The following DPYSL5 variants were observed in gnomAD, a reference collection of about 807,000 sequenced individuals.
DPYSL5 encodes the protein dihydropyrimidinase-related protein 5.
DPYSL5 carries 9 observed loss-of-function variants against 58.4 expected under a neutral mutation model. The ratio of observed to expected loss-of-function variants is 0.15; its 90% CI spans 0.09 to 0.27. The LOEUF (loss-of-function observed/expected upper bound fraction) is 0.27, where lower values mean the gene tolerates loss of function less well. DPYSL5 is among the 10% of genes least tolerant of loss of function. The pLI is 1.00. For synonymous variants in DPYSL5, 293 were observed against 301.9 expected (o/e 0.97, Z 0.31); for missense variants, 499 against 770.6 (o/e 0.65, Z 4.17).
chr2:26,873,525 G>A (rs1170352831), intron 1 of DPYSL5, among the ~76,000 whole-genome samples: 1 of 152,166 alleles, frequency 6.6e-6, no homozygotes, highest in African/African-American at 2.4e-5. Flanking sequence ...CATCTACAGT[G>A]CACTGGATAG....
chr2:26,850,353 A>G (rs1665720043), intron 1 of DPYSL5, among the ~76,000 whole-genome samples: 1 of 152,152 alleles, frequency 6.6e-6, no homozygotes, highest in Admixed American at 6.5e-5. Context: ...GGCTTTCAGC[A>G]GGGCTTTCCA....
At chr2:26,932,163 GAA>G (rs869043839) in intron 6 of DPYSL5, among the ~76,000 whole-genome samples, 1 of 60,874 alleles carries the variant, frequency 1.6e-5, no homozygotes, top group African/African-American at 6.0e-5. Context: ...AAGAAAGAAA[GAA>G]AGAAAGAAAG....
Position 26,933,167 on chromosome 2 carries a change from T to G in DPYSL5, c.715-91T>G. ...GGTTGAGTGACGCAGGGGGAGGCGCTGGTGCCAGGGCTGACTTTGCCAGGG... is the reference window on the plus strand; with the variant it reads ...GGTTGAGTGACGCAGGGGGAGGCGCGGGTGCCAGGGCTGACTTTGCCAGGG... On this transcript the variant is annotated intron_variant, in intron 6 of 12. Coordinates refer to ENST00000288699, the MANE Select transcript of DPYSL5 (RefSeq NM_020134.4). This position sits in a 1 kb window ranked among gnomAD's most constrained non-coding sequence, Gnocchi z 4.2. The G allele has an allele frequency of 8.5e-7, 1 of 1,174,328 alleles. No homozygotes were observed. The highest frequency in any genetic ancestry group is 1.3e-6 in the Non-Finnish European group (1 of 780,720). The allele number at this position is 1,174,328 out of a possible 1,614,324, so 72.7% of individuals were successfully genotyped here. A position where few individuals can be genotyped will look rare whatever the true frequency, so the allele number is the denominator to read the frequency against.
At chr2:26,876,283 T>C (rs1663406544) in intron 1 of DPYSL5, among the ~76,000 whole-genome samples, 1 of 152,020 alleles carries the variant, frequency 6.6e-6, no homozygotes, top group African/African-American at 2.4e-5. Flanking sequence ...CTCCTGGAGG[T>C]AGCCCCATCA....
rs1407728962 is a variant in DPYSL5, at chr2:26,848,893, G to A, written c.-5+639G>A. Reference sequence around the variant, plus strand: ...GGCTGCCCAGCCCGGAGCGGGCGCCGAGCCGGGTCCCTCGGCTGGAGCCCA... The same window carrying A: ...GGCTGCCCAGCCCGGAGCGGGCGCCAAGCCGGGTCCCTCGGCTGGAGCCCA... On this transcript the variant is annotated intron_variant, in intron 1 of 12. Coordinates refer to ENST00000288699, the MANE Select transcript of DPYSL5 (RefSeq NM_020134.4). 4.6e-5 allele frequency among the ~76,000 whole-genome samples: 7 copies of A among 152,210 alleles called. No homozygotes were observed. In the South Asian group the frequency reaches 8.3e-4, roughly 18 times the overall value.
chr2:26,895,949 CT>C (rs1388602733), intron 1 of DPYSL5, among the ~76,000 whole-genome samples: 1 of 151,214 alleles, frequency 6.6e-6, no homozygotes, highest in Admixed American at 6.6e-5. Flanking sequence ...CCGGCTAGTT[CT>C]TGTATTTTTA....
chr2:26,906,434 G>A (rs1404681259), intron 2 of DPYSL5, among the ~76,000 whole-genome samples: 8 of 151,908 alleles, frequency 5.3e-5, no homozygotes, highest in African/African-American at 9.7e-5. Context: ...TGCCTGCCTC[G>A]GCCTCCAAAA....
At chr2:26,912,587 G>A (rs1252501232) in intron 2 of DPYSL5, among the ~76,000 whole-genome samples, 1 of 152,192 alleles carries the variant, frequency 6.6e-6, no homozygotes, top group Non-Finnish European at 1.5e-5. Flanking sequence ...GCGGCTCTCC[G>A]GAAGCTGGCA....
At chr2:26,910,145 T>C (rs142616041) in intron 2 of DPYSL5, among the ~76,000 whole-genome samples, 1 of 152,242 alleles carries the variant, frequency 6.6e-6, no homozygotes, top group African/African-American at 2.4e-5. Context: ...TTTCTTTCGC[T>C]CAGTAGTATT....
chr2:26,945,383 G>A (rs1292705132), intron 12 of DPYSL5, among the ~76,000 whole-genome samples: 3 of 149,564 alleles, frequency 2.0e-5, no homozygotes, highest in Non-Finnish European at 4.4e-5. Flanking sequence ...GACTTCTGAT[G>A]CCCAGTTTTT....
Position 26,905,718 on chromosome 2 carries a change from C to T in DPYSL5, c.261+6958C>T, listed in dbSNP as rs1056152384. Among the ~76,000 whole-genome samples, 1 of 152,218 alleles carries T rather than the reference C, an allele frequency of 6.6e-6. No homozygotes were observed. The highest frequency in any genetic ancestry group is 1.5e-5 in the Non-Finnish European group (1 of 68,042). The stretch of plus-strand genomic sequence containing the variant: ...TGAAGTGACTTCCCCTCCCCTGCCA[C>T]CTGGAGGACATCCCTCTACCCCCTC... On this transcript the variant is annotated intron_variant, in intron 2 of 12. Coordinates refer to ENST00000288699, the MANE Select transcript of DPYSL5 (RefSeq NM_020134.4). This position sits in a 1 kb window ranked among gnomAD's most constrained non-coding sequence, Gnocchi z 4.0.
At chr2:26,872,989 T>G (rs891476713) in intron 1 of DPYSL5, among the ~76,000 whole-genome samples, 4 of 152,256 alleles carry the variant, frequency 2.6e-5, no homozygotes, top group Admixed American at 6.5e-5. Context: ...CTCTTTTTAA[T>G]GTTTCCTGGT....
intron 2 of DPYSL5, among the ~76,000 whole-genome samples, chr2:26,914,399 C>T (rs1664513121): frequency 6.6e-6 from 1 of 152,218 alleles, no homozygotes; most frequent in African/African-American, 2.4e-5. Flanking sequence ...GAATTGCAGA[C>T]CTCGGAACCA....
intron 1 of DPYSL5, among the ~76,000 whole-genome samples, chr2:26,897,466 T>G (rs935084321): frequency 2.0e-5 from 3 of 152,240 alleles, no homozygotes; most frequent in African/African-American, 7.2e-5. Flanking sequence ...TTACACTGAT[T>G]GTTTTTCAAA....
intron 2 of DPYSL5, among the ~76,000 whole-genome samples, chr2:26,916,893 T>G (rs749995340): frequency 6.6e-6 from 1 of 152,226 alleles, no homozygotes; most frequent in Non-Finnish European, 1.5e-5. Flanking sequence ...CATTTCTTCT[T>G]CTGGAGCATC....
chr2:26,947,103 G>C lies in DPYSL5; in HGVS notation c.*108G>C. On this transcript the variant is annotated 3_prime_UTR_variant, in exon 13 of 13. Coordinates refer to ENST00000288699, the MANE Select transcript of DPYSL5 (RefSeq NM_020134.4). This position sits in a 1 kb window ranked among gnomAD's most constrained non-coding sequence, Gnocchi z 4.2. ...GGCTGGGCTGGGTGGCACACCACCCGAGGGGGGCCCCGGGACCCACGGAGC... is the reference window on the plus strand; with the variant it reads ...GGCTGGGCTGGGTGGCACACCACCCCAGGGGGGCCCCGGGACCCACGGAGC... The C allele has an allele frequency of 1.0e-6, 1 of 999,632 alleles. No individual in the cohort carries two copies. Among genetic ancestry groups the C allele is most frequent in the South Asian group, 1.5e-5 (1 of 66,074 alleles). 61.9% of individuals were successfully genotyped at this position (999,632 alleles called of 1,614,324 possible).
intron 2 of DPYSL5, among the ~76,000 whole-genome samples, chr2:26,913,045 C>G (rs898574772): frequency 6.6e-6 from 1 of 152,260 alleles, no homozygotes; most frequent in East Asian, 1.9e-4. Context: ...AGGAGTAACC[C>G]CTCCCCTAGA....
Position 26,859,403 on chromosome 2 carries a change from A to C in DPYSL5, c.-5+11149A>C, listed in dbSNP as rs576183193. 1.5e-3 allele frequency among the ~76,000 whole-genome samples: 232 copies of C among 151,920 alleles called. 1 individual carries two copies. Among genetic ancestry groups the C allele is most frequent in the Admixed American group, 4.6e-3 (70 of 15,266 alleles). On this transcript the variant is annotated intron_variant, in intron 1 of 12. Coordinates refer to ENST00000288699, the MANE Select transcript of DPYSL5 (RefSeq NM_020134.4). ...GCATAGGGGGTACAATTCTATCTATAGTACCTGATAGTTTTCACATTAAGA... is the reference window on the plus strand; with the variant it reads ...GCATAGGGGGTACAATTCTATCTATCGTACCTGATAGTTTTCACATTAAGA...
At chr2:26,883,875 C>G (rs907371162) in intron 1 of DPYSL5, among the ~76,000 whole-genome samples, 2 of 152,200 alleles carry the variant, frequency 1.3e-5, no homozygotes, top group African/African-American at 4.8e-5. Context: ...GTTTGTGGTC[C>G]TTTCATGGTT....
Sources: allele counts gnomAD v4.1 joint callset (sites outside exome capture counted in the v4.1 genomes callset), GRCh38; gene constraint gnomAD v4.1.1; non-coding constraint Gnocchi (gnomAD v3.1); transcripts MANE v1.5; gene names NCBI Gene and HGNC (gene_info 2026-07-23, HGNC 2026-07-21).